DOCK8: variants seen among roughly 807,000 people sequenced by gnomAD.
DOCK8 encodes the protein dedicator of cytokinesis 8.
A neutral mutation model predicts 245.6 loss-of-function variants in DOCK8; 141 were observed. The ratio of observed to expected loss-of-function variants is 0.57; its 90% CI spans 0.50 to 0.66. DOCK8 has a LOEUF of 0.66. Ranked by LOEUF, DOCK8 falls within the 30% of genes least tolerant of loss-of-function variation. The probability of loss-of-function intolerance (pLI) is 0.00; values close to 1 mark genes in which losing one functional copy is unlikely to be tolerated. For synonymous variants in DOCK8, 1,168 were observed against 970.2 expected (o/e 1.20, Z -3.79); for missense variants, 2,965 against 2,603.4 (o/e 1.14, Z -3.02).
At chr9:267,583 T>C (rs535397929) in intron 1 of DOCK8, among the ~76,000 whole-genome samples, 1 of 152,364 alleles carries the variant, frequency 6.6e-6, no homozygotes, top group South Asian at 2.1e-4. Flanking sequence ...TTAAACTACT[T>C]TCTGACTATG....
intron 4 of DOCK8, among the ~76,000 whole-genome samples, chr9:290,900 T>G (rs2049010476): frequency 6.6e-6 from 1 of 152,194 alleles, no homozygotes; most frequent in South Asian, 2.1e-4. Context: ...TTTTCTGGAG[T>G]AATGTCAATA....
chr9:421,293 A>C (rs993056510), intron 32 of DOCK8, among the ~76,000 whole-genome samples: 1 of 152,216 alleles, frequency 6.6e-6, no homozygotes, highest in Non-Finnish European at 1.5e-5. Context: ...AACCCTGAAA[A>C]CAGCACCAAA....
intron 1 of DOCK8, among the ~76,000 whole-genome samples, chr9:228,670 C>G (rs1056989446): frequency 4.6e-5 from 7 of 152,064 alleles, no homozygotes; most frequent in Non-Finnish European, 1.0e-4. Flanking sequence ...TTTACGCTAT[C>G]CAGTTTGTGG....
intron 1 of DOCK8, among the ~76,000 whole-genome samples, chr9:231,239 C>G (rs1427517591): frequency 6.6e-6 from 1 of 152,092 alleles, no homozygotes; most frequent in African/African-American, 2.4e-5. Flanking sequence ...TCTGAGGGCT[C>G]TGTTCTGTTC....
chr9:317,260 A>G, intron 7 of DOCK8, 132 bp downstream of exon 7: 1 of 759,098 alleles, frequency 1.3e-6, no homozygotes, highest in Non-Finnish European at 2.3e-6. Context: ...GCAGCTGTGG[A>G]GTAGTAGAAA....
At chr9:308,010 C>T (rs775490921) in intron 5 of DOCK8, among the ~76,000 whole-genome samples, 7 of 152,042 alleles carry the variant, frequency 4.6e-5, no homozygotes, top group Non-Finnish European at 1.0e-4. Flanking sequence ...ATAAGTTGAT[C>T]TCATAGAAGT....
chr9:261,360 G>T (rs999846988), intron 1 of DOCK8, among the ~76,000 whole-genome samples: 3 of 152,028 alleles, frequency 2.0e-5, no homozygotes, highest in African/African-American at 7.3e-5. Flanking sequence ...CACATAAATG[G>T]AAAGAAAGAT....
intron 23 of DOCK8, among the ~76,000 whole-genome samples, chr9:387,455 A>C (rs903337728): frequency 7.9e-5 from 12 of 152,254 alleles, no homozygotes; most frequent in Non-Finnish European, 8.8e-5. Context: ...AAAAAAAAAA[A>C]AAGAAAAAAA....
Position 431,510 on chromosome 9 carries a change from C to G in DOCK8, c.4627-656C>G, listed in dbSNP as rs551985784. Among the ~76,000 whole-genome samples, 31 of 151,940 alleles carry G rather than the reference C, an allele frequency of 2.0e-4. No individual in the cohort carries two copies. The Middle Eastern group carries it at 0.01, about 50-fold the overall frequency. ...TCAGAAATGCTGGCCACAGAAGTCC[C>G]CTGATTTATTTATTTAGAGACAGGG... On this transcript the variant is annotated intron_variant, in intron 36 of 47. Transcript: ENST00000432829.
chr9:425,261 A>C lies in DOCK8; in HGVS notation c.4242-1624A>C, dbSNP rs560161670. ...AAAAGGATGATAAGGGGCCGGGCACAGTGGCTCACACCTGTAATCCCAGCA... is the reference window on the plus strand; with the variant it reads ...AAAAGGATGATAAGGGGCCGGGCACCGTGGCTCACACCTGTAATCCCAGCA... On this transcript the variant is annotated intron_variant, in intron 33 of 47. Transcript: ENST00000432829. 2.0e-5 allele frequency among the ~76,000 whole-genome samples: 3 copies of C among 152,330 alleles called. No individual in the cohort carries two copies. In the East Asian group the frequency reaches 5.8e-4, roughly 29 times the overall value.
chr9:304,489 C>G, intron 4 of DOCK8, 92 bp from the exon 5 acceptor site: 6 of 1,544,570 alleles, frequency 3.9e-6, no homozygotes, highest in African/African-American at 1.4e-5. Context: ...AGCACCATGT[C>G]TACACTTAAG....
intron 9 of DOCK8, among the ~76,000 whole-genome samples, chr9:329,247 C>T (rs1178863157): frequency 1.3e-5 from 2 of 152,008 alleles, no homozygotes; most frequent in East Asian, 3.9e-4. Flanking sequence ...CCACTGTGCC[C>T]GGCCGTAAAA....
At chr9:341,261 T>C (rs1434379651) in intron 14 of DOCK8, among the ~76,000 whole-genome samples, 1 of 152,230 alleles carries the variant, frequency 6.6e-6, no homozygotes, top group East Asian at 1.9e-4. Context: ...ACTGAAGGCC[T>C]AACAGGTTGG....
At chr9:349,862 G>A (rs987264136) in intron 14 of DOCK8, among the ~76,000 whole-genome samples, 2 of 152,092 alleles carry the variant, frequency 1.3e-5, no homozygotes, top group Non-Finnish European at 2.9e-5. Flanking sequence ...ATTCTCTTTG[G>A]CTCAGACTTG....
chr9:342,796 T>G (rs2051674115), intron 14 of DOCK8, among the ~76,000 whole-genome samples: 2 of 152,198 alleles, frequency 1.3e-5, no homozygotes, highest in South Asian at 4.1e-4. Flanking sequence ...CTGTTTAGTA[T>G]TCCTTTGTGA....
At chr9:335,322 G>C (rs1436509456) in intron 11 of DOCK8, among the ~76,000 whole-genome samples, 1 of 152,130 alleles carries the variant, frequency 6.6e-6, no homozygotes, top group Admixed American at 6.5e-5. Context: ...CATATCACCT[G>C]TGGTGGGGTT....
chr9:270,496 C>G (rs1342559847), intron 1 of DOCK8, among the ~76,000 whole-genome samples: 1 of 152,174 alleles, frequency 6.6e-6, no homozygotes, highest in Non-Finnish European at 1.5e-5. Context: ...AAAGTTGGGA[C>G]AAGAGCCCAG....
intron 24 of DOCK8, among the ~76,000 whole-genome samples, chr9:391,937 G>A (rs187146413): frequency 4.5e-4 from 68 of 150,404 alleles, no homozygotes; most frequent in East Asian, 2.6e-3. Flanking sequence ...TCAAGAGTTC[G>A]AGACCAGCCT....
upstream of DOCK8, chr9:214,302 G>T: frequency 1.8e-6 from 1 of 555,638 alleles, no homozygotes; most frequent in Non-Finnish European, 3.1e-6. Context: ...AAGCATTCAC[G>T]CCAGGTTGTG....
Sources: gnomAD v4.1 joint callset for allele counts (sites outside exome capture counted in the v4.1 genomes callset) on GRCh38, gnomAD v4.1.1 for gene constraint, MANE v1.5 for transcripts, NCBI Gene and HGNC (gene_info 2026-07-23, HGNC 2026-07-21) for gene names.